C9: variants seen among roughly 807,000 people sequenced by gnomAD.
C9 encodes complement C9.
Under a neutral mutation model 65.4 loss-of-function variants are expected in C9, and 63 were observed. The observed-to-expected ratio is 0.96, with a 90% CI of 0.79 to 1.19. The LOEUF is 1.19. Ranked by LOEUF, C9 falls within the 50% of genes most tolerant of loss-of-function variation. The pLI, the probability that C9 is intolerant of heterozygous loss-of-function variation, is 0.00. For synonymous variants in C9, 229 were observed against 227.9 expected (o/e 1.00, Z -0.04); for missense variants, 744 against 670.1 (o/e 1.11, Z -1.22).
chr5:39,339,906 G>T (rs1442543571), intron 4 of C9, among the ~76,000 whole-genome samples: 1 of 151,804 alleles, frequency 6.6e-6, no homozygotes, highest in Non-Finnish European at 1.5e-5. Context: ...TGATCCGCCC[G>T]CCTCGGCCTC....
intron 3 of C9, 110 bp from the exon 4 acceptor site, chr5:39,341,403 A>G: frequency 6.8e-7 from 1 of 1,464,376 alleles, no homozygotes; most frequent in East Asian, 2.3e-5. Context: ...AGAAAAACAC[A>G]TTTGAGTTCT....
At position 39,339,184 on chromosome 5, in the gene C9, T is replaced by G. The variant is rs537382149; in HGVS notation, c.476+1962A>C. ...GAAAACTCCCATGCCATTTACTGCC[T>G]AAAATTTACTAAGAGGGCCTGCAGA... On this transcript the variant is annotated intron_variant, in intron 4 of 10. Transcript: ENST00000263408. Among the ~76,000 whole-genome samples, 3 of 152,316 alleles carry G rather than the reference T, an allele frequency of 2.0e-5. No homozygotes were observed. In the South Asian group the frequency reaches 6.2e-4, roughly 32 times the overall value.
chr5:39,355,011 T>A (rs1289773988), intron 1 of C9, among the ~76,000 whole-genome samples: 1 of 152,248 alleles, frequency 6.6e-6, no homozygotes, highest in Admixed American at 6.5e-5. Flanking sequence ...GTGTTAGTGC[T>A]GTTGTTGCCT....
At chr5:39,306,429 G>A (rs1264354918) in intron 9 of C9, among the ~76,000 whole-genome samples, 188 bp downstream of exon 9, 1 of 152,064 alleles carries the variant, frequency 6.6e-6, no homozygotes, top group Non-Finnish European at 1.5e-5. Context: ...GAGACAGGAA[G>A]TCAGCCAGGA....
At chr5:39,313,596 G>A (rs910031576) in intron 6 of C9, among the ~76,000 whole-genome samples, 3 of 152,176 alleles carry the variant, frequency 2.0e-5, no homozygotes, top group African/African-American at 7.2e-5. Flanking sequence ...TAGCCTCCCA[G>A]CGATGCTGAT....
intron 3 of C9, 72 bp from the exon 4 acceptor site, chr5:39,341,365 T>C (rs111542414): frequency 1.2e-5 from 19 of 1,568,834 alleles, no homozygotes; most frequent in African/African-American, 5.4e-5. Context: ...AGTTATCAAA[T>C]GCATTTTAAC....
rs773284177 is a variant in C9, at chr5:39,288,935, TTATATA to T, written c.1427_1432del (p.Ile476_Tyr477del). ...ATTTTTCATTTTCACTGGAACCAGA[TTATATA>T]TAGGAGACAGCTGAAAGGAAGCAAA... On this transcript the variant is annotated inframe_deletion, in exon 10 of 11. Transcript: ENST00000263408. The T allele has an allele frequency of 6.3e-7, 1 of 1,598,894 alleles. No individual in the cohort carries two copies. Among genetic ancestry groups the T allele is most frequent in the Admixed American group, 1.7e-5 (1 of 59,776 alleles).
intron 1 of C9, among the ~76,000 whole-genome samples, chr5:39,357,667 C>T (rs1286082200): frequency 2.0e-5 from 3 of 152,134 alleles, no homozygotes; most frequent in Non-Finnish European, 4.4e-5. Flanking sequence ...TGCCCTAGGA[C>T]TGGAGTTGGG....
In C9 at chr5:39,326,676, A is replaced by T. The variant is rs116393312; in HGVS notation, c.615+5000T>A. Among the ~76,000 whole-genome samples the T allele has an allele frequency of 3.4e-3, 518 of 152,324 alleles. 3 individuals carry two copies. Among genetic ancestry groups the T allele is most frequent in the South Asian group, 0.021 (101 of 4,830 alleles). Reference sequence around the variant, plus strand: ...TTATTTGTAGAACAGAGTCCCTTTCAAGATAGCAGTTTCTATAGGGAAAGA... The same window carrying T: ...TTATTTGTAGAACAGAGTCCCTTTCTAGATAGCAGTTTCTATAGGGAAAGA... On this transcript the variant is annotated intron_variant, in intron 5 of 10. Coordinates refer to ENST00000263408, the MANE Select transcript of C9 (RefSeq NM_001737.5).
At chr5:39,364,071 C>T (rs1402697921) in intron 1 of C9, among the ~76,000 whole-genome samples, 2 of 152,138 alleles carry the variant, frequency 1.3e-5, no homozygotes, top group African/African-American at 4.8e-5. Context: ...AGACATCAGG[C>T]ACTAATAAAC....
rs142681774 is a variant in C9, at chr5:39,342,408, T to G, written c.78-212A>C. On this transcript the variant is annotated intron_variant, in intron 1 of 10. Transcript: ENST00000263408. ...TTCTTGTCTGTATTGTAAGTTAACT[T>G]TTAACTTCCCAGGAATGCAAATATT... 3.6e-3 allele frequency among the ~76,000 whole-genome samples: 547 copies of G among 152,330 alleles called. 3 individuals carry two copies. Among genetic ancestry groups the G allele is most frequent in the African/African-American group, 0.012 (506 of 41,566 alleles).
intron 1 of C9, among the ~76,000 whole-genome samples, chr5:39,357,072 G>C (rs1754424462): frequency 6.6e-6 from 1 of 152,136 alleles, no homozygotes; most frequent in Non-Finnish European, 1.5e-5. Context: ...ATCAAATGAA[G>C]AGTCATTGAT....
intron 6 of C9, among the ~76,000 whole-genome samples, chr5:39,311,588 T>C (rs1193377291): frequency 6.6e-6 from 1 of 151,902 alleles, no homozygotes; most frequent in African/African-American, 2.4e-5. Context: ...CCTACATTAC[T>C]GGTAAAATTA....
At chr5:39,320,910 A>C (rs1426029160) in intron 5 of C9, among the ~76,000 whole-genome samples, 2 of 152,180 alleles carry the variant, frequency 1.3e-5, no homozygotes, top group Non-Finnish European at 2.9e-5. Context: ...CTGCCAATCA[A>C]GAATAGTATA....
At chr5:39,342,228 A>T in intron 1 of C9, 32 bp from the exon 2 acceptor site, 2 of 1,128,140 alleles carry the variant, frequency 1.8e-6, no homozygotes, top group Non-Finnish European at 2.7e-6. Flanking sequence ...GTTTATAATG[A>T]CCATTGTGTA....
chr5:39,341,186 C>A lies in C9; in HGVS notation c.436G>T (p.Val146Leu). ...SEPRPPCRDR[V>L]VEESELARTA... is the part of the protein sequence containing the mutation. ...CGTGCCAGCTCAGACTCTTCTACCA[C>A]TCTGTCTCTGCAGGGGGGACGGGGC... The change falls in exon 4 of 11, where the codon GTG (valine) becomes TTG (leucine). Residue 146 changes from valine (V) to leucine (L), a missense_variant. Val to Leu is a conservative substitution (Grantham distance 32, BLOSUM62 1). Transcript: ENST00000263408. The A allele has an allele frequency of 6.2e-7, 1 of 1,614,230 alleles. No individual in the cohort carries two copies.
At chr5:39,348,035 G>T (rs1005444894) in intron 1 of C9, among the ~76,000 whole-genome samples, 12 of 151,182 alleles carry the variant, frequency 7.9e-5, no homozygotes, top group African/African-American at 2.7e-4. Context: ...TGGATTAAAG[G>T]CTTACATGTT....
chr5:39,325,873 A>G (rs1214526695), intron 5 of C9, among the ~76,000 whole-genome samples: 1 of 152,174 alleles, frequency 6.6e-6, no homozygotes, highest in Non-Finnish European at 1.5e-5. Context: ...GATTCAAATA[A>G]TCTCCTTGTT....
intron 1 of C9, among the ~76,000 whole-genome samples, chr5:39,364,143 T>TATCTTA (rs1754572855): frequency 6.6e-6 from 1 of 152,206 alleles, no homozygotes; most frequent in Admixed American, 6.5e-5. Flanking sequence ...ATTTAAAGAA[T>TATCTTA]ACCTCAATCT....
Sources: gnomAD v4.1 joint callset for allele counts (sites outside exome capture counted in the v4.1 genomes callset) on GRCh38, gnomAD v4.1.1 for gene constraint, MANE v1.5 for transcripts, NCBI Gene and HGNC (gene_info 2026-07-23, HGNC 2026-07-21) for gene names.